TRIM71: variants seen among roughly 807,000 people sequenced by gnomAD.
TRIM71 encodes the protein E3 ubiquitin-protein ligase TRIM71.
TRIM71 carries 9 observed loss-of-function variants against 61.2 expected under a neutral mutation model. The ratio of observed to expected loss-of-function variants is 0.15; its 90% confidence interval spans 0.09 to 0.26. TRIM71 has a LOEUF of 0.26. Among genes scored for constraint, TRIM71 ranks in the 10% least tolerant of loss-of-function variants. The pLI is 1.00. For missense variants in TRIM71, 998 were observed against 1,238.7 expected (o/e 0.81, Z 2.92); for synonymous variants, 645 against 553.2 (o/e 1.17, Z -2.33).
At chr3:32,873,425 T>G (rs1300948573) in intron 1 of TRIM71, among the ~76,000 whole-genome samples, 3 of 152,144 alleles carry the variant, frequency 2.0e-5, no homozygotes, top group African/African-American at 7.2e-5. Context: ...GCCACTAATA[T>G]CAGACTAGGT....
intron 1 of TRIM71, among the ~76,000 whole-genome samples, chr3:32,859,996 C>G (rs896466952): frequency 2.0e-5 from 3 of 152,094 alleles, no homozygotes; most frequent in South Asian, 2.1e-4. Context: ...CAGTTCTGTT[C>G]CCTGTTGGGC....
intron 1 of TRIM71, among the ~76,000 whole-genome samples, chr3:32,823,046 T>C (rs929432878): frequency 1.3e-5 from 2 of 152,352 alleles, no homozygotes; most frequent in African/African-American, 2.4e-5. Flanking sequence ...TGGGTGAATA[T>C]GTCCTCTGAG....
rs948043630 is a variant in TRIM71 at position 32,857,902 on chromosome 3, C to G, written c.853-15916C>G. On this transcript the variant is annotated intron_variant, in intron 1 of 3. Coordinates refer to ENST00000383763, the MANE Select transcript of TRIM71 (RefSeq NM_001039111.3). ...ATGAGAATCGCTTGAACCCAGGAGG[C>G]GGAGGCTGCAGCAAGCCGAGATCGC... Among the ~76,000 whole-genome samples, 5 of 151,898 alleles carry G rather than the reference C, an allele frequency of 3.3e-5. No homozygotes were observed. In the East Asian group the frequency reaches 9.7e-4, roughly 30 times the overall value.
chr3:32,862,401 C>T (rs1696681416), intron 1 of TRIM71, among the ~76,000 whole-genome samples: 1 of 152,218 alleles, frequency 6.6e-6, no homozygotes, highest in Admixed American at 6.5e-5. Flanking sequence ...AAAAATTCTG[C>T]CTTTCTACAC....
rs113057137 is a variant in TRIM71 at position 32,828,579 on chromosome 3, C to CT, written c.852+9649dup. ...CTGGAGTGCAGTGGTGCAATCACAGCTTACTGCTGTCTCAACCTTCCCGGC... is the reference window on the plus strand; with the variant it reads ...CTGGAGTGCAGTGGTGCAATCACAGCTTTACTGCTGTCTCAACCTTCCCGGC... On this transcript the variant is annotated intron_variant, in intron 1 of 3. Coordinates refer to ENST00000383763, the MANE Select transcript of TRIM71 (RefSeq NM_001039111.3). Among the ~76,000 whole-genome samples the CT allele has an allele frequency of 3.8e-3, 528 of 139,440 alleles. 5 individuals are homozygous for CT. Among genetic ancestry groups the CT allele is most frequent in the African/African-American group, 0.013 (475 of 37,826 alleles). 91.5% of individuals were successfully genotyped at this position (139,440 alleles called of 152,430 possible).
chr3:32,838,345 C>T (rs979439348), intron 1 of TRIM71, among the ~76,000 whole-genome samples: 1 of 151,970 alleles, frequency 6.6e-6, no homozygotes, highest in Non-Finnish European at 1.5e-5. Flanking sequence ...CTGCCTCAGC[C>T]TCCCTAGTAG....
At chr3:32,885,272 G>C (rs1444612385) in intron 2 of TRIM71, among the ~76,000 whole-genome samples, 1 of 151,738 alleles carries the variant, frequency 6.6e-6, no homozygotes, top group Admixed American at 6.6e-5. Context: ...CATGCCTTCT[G>C]TCTGGATTAA....
At chr3:32,855,085 A>G (rs879503730) in intron 1 of TRIM71, among the ~76,000 whole-genome samples, 11 of 152,166 alleles carry the variant, frequency 7.2e-5, no homozygotes, top group Admixed American at 6.6e-4. Context: ...TATAAATTAC[A>G]TTTTATCATA....
chr3:32,837,150 G>A (rs1017812869), intron 1 of TRIM71, among the ~76,000 whole-genome samples: 9 of 152,202 alleles, frequency 5.9e-5, no homozygotes, highest in African/African-American at 7.2e-5. Context: ...TGTTAACAGC[G>A]TGGATAATGT....
At chr3:32,822,244 C>T (rs1696143278) in intron 1 of TRIM71, among the ~76,000 whole-genome samples, 1 of 151,954 alleles carries the variant, frequency 6.6e-6, no homozygotes, top group Admixed American at 6.6e-5. Flanking sequence ...TGTAGCCCGC[C>T]CCACCCGAGG....
At chr3:32,850,773 G>T (rs570041686) in intron 1 of TRIM71, among the ~76,000 whole-genome samples, 1 of 152,142 alleles carries the variant, frequency 6.6e-6, no homozygotes, top group Admixed American at 6.5e-5. Flanking sequence ...TTGTAGGGGG[G>T]ACCATTCGCT....
intron 3 of TRIM71, among the ~76,000 whole-genome samples, chr3:32,888,532 T>TTTGTTG (rs374711623): frequency 7.3e-5 from 11 of 149,798 alleles, no homozygotes; most frequent in South Asian, 4.2e-4. Context: ...CCTTTTGCGG[T>TTTGTTG]TTGTTGTTGT....
Position 32,891,172 on chromosome 3 carries a change from A to G in TRIM71, c.1968A>G (p.Pro656=), listed in dbSNP as rs1697020608. 1 of 1,613,588 alleles carries G rather than the reference A, an allele frequency of 6.2e-7. No individual in the cohort carries two copies. The highest frequency in any genetic ancestry group is 1.6e-4 in the Middle Eastern group (1 of 6,062). ...CCCGGCCTGGGCAGTTCGACCGACC[A>G]GCCGGCGTGGCCTGTGACGCCTCAC... is the stretch of plus-strand genomic sequence containing the variant. The part of the protein sequence containing the change: ...LGSRPGQFDR[P]AGVACDASRR... Residue 656 remains proline, a synonymous_variant, in exon 4 of 4, where the codon CCA becomes CCG. Coordinates refer to ENST00000383763, the MANE Select transcript of TRIM71 (RefSeq NM_001039111.3). The surrounding 1 kb of genome is among the most constrained non-coding windows in gnomAD (Gnocchi z 8.2).
intron 1 of TRIM71, among the ~76,000 whole-genome samples, chr3:32,855,299 T>TGAGG (rs1553645021): frequency 6.7e-6 from 1 of 149,060 alleles, no homozygotes; most frequent in Admixed American, 6.7e-5. Flanking sequence ...GGGGTGGAAG[T>TGAGG]GAGGGGTACC....
At chr3:32,873,229 A>G (rs1399684162) in intron 1 of TRIM71, among the ~76,000 whole-genome samples, 1 of 152,164 alleles carries the variant, frequency 6.6e-6, no homozygotes, top group Non-Finnish European at 1.5e-5. Flanking sequence ...TGACCTTACC[A>G]CTAGCTTTTT....
At chr3:32,849,350 G>C (rs560390155) in intron 1 of TRIM71, among the ~76,000 whole-genome samples, 2 of 152,076 alleles carry the variant, frequency 1.3e-5, no homozygotes, top group South Asian at 4.2e-4. Context: ...ATAGGGCCTG[G>C]AGTTTTTTTG....
chr3:32,856,365 C>A (rs577821119), intron 1 of TRIM71, among the ~76,000 whole-genome samples: 2 of 152,116 alleles, frequency 1.3e-5, no homozygotes, highest in Admixed American at 6.5e-5. Flanking sequence ...CCTGCCCCCC[C>A]ATCCCTACTT....
Position 32,897,686 on chromosome 3 carries a change from C to G in TRIM71, c.*5875C>G, listed in dbSNP as rs1295453762. 2 of 152,160 alleles carry G rather than the reference C, an allele frequency of 1.3e-5. No individual in the cohort carries two copies. Among genetic ancestry groups the G allele is most frequent in the African/African-American group, 4.8e-5 (2 of 41,442 alleles). 9.4% of individuals were successfully genotyped at this position (152,160 alleles called of 1,614,324 possible). ...GTATCACTGTGGTCCACAGAGAAGG[C>G]TGGAGGAGGTAGCAAGGAGATGCTG... On this transcript the variant is annotated 3_prime_UTR_variant, in exon 4 of 4. Coordinates refer to ENST00000383763, the MANE Select transcript of TRIM71 (RefSeq NM_001039111.3).
intron 1 of TRIM71, among the ~76,000 whole-genome samples, chr3:32,837,990 C>T (rs1696354592): frequency 1.3e-5 from 2 of 152,076 alleles, no homozygotes; most frequent in African/African-American, 4.8e-5. Context: ...AAGGATTGCT[C>T]GGAAAATGTG....
Sources: allele counts gnomAD v4.1 joint callset (sites outside exome capture counted in the v4.1 genomes callset), GRCh38; gene constraint gnomAD v4.1.1; non-coding constraint Gnocchi (gnomAD v3.1); transcripts MANE v1.5; gene names NCBI Gene and HGNC (gene_info 2026-07-23, HGNC 2026-07-21).